SHB: variants seen among roughly 807,000 people sequenced by gnomAD.
The protein encoded by SHB is SH2 domain containing adaptor protein B, also known as SH2 domain-containing adapter protein B.
In SHB, 20 loss-of-function variants were observed where a neutral mutation model predicts 52.3. The ratio of observed to expected loss-of-function variants is 0.38; its 90% CI spans 0.27 to 0.56. SHB has a LOEUF of 0.56. Among genes scored for constraint, SHB ranks in the 20% least tolerant of loss-of-function variants. SHB has a pLI of 0.71. For synonymous variants in SHB, 397 were observed against 316.5 expected (o/e 1.25, Z -2.70); for missense variants, 825 against 723.3 (o/e 1.14, Z -1.61).
chr9:37,946,065 C>G (rs1832487576), intron 5 of SHB, among the ~76,000 whole-genome samples: 1 of 152,200 alleles, frequency 6.6e-6, no homozygotes, highest in South Asian at 2.1e-4. Flanking sequence ...ACAGCACTGT[C>G]TGGGCTGGGA....
intron 3 of SHB, among the ~76,000 whole-genome samples, chr9:37,959,112 G>C (rs761843144): frequency 2.6e-5 from 4 of 152,172 alleles, no homozygotes; most frequent in Non-Finnish European, 5.9e-5. Context: ...CTGAAGACGG[G>C]AAGACCAGTC....
intron 2 of SHB, among the ~76,000 whole-genome samples, chr9:37,998,873 CCA>C (rs1820980836): frequency 1.3e-5 from 2 of 152,208 alleles, no homozygotes; most frequent in Admixed American, 1.3e-4. Flanking sequence ...GAGGAAAGGC[CCA>C]TTTTTCATCC....
chr9:38,059,119 A>G (rs946823415), intron 1 of SHB, among the ~76,000 whole-genome samples: 1 of 152,152 alleles, frequency 6.6e-6, no homozygotes, highest in Non-Finnish European at 1.5e-5. Flanking sequence ...GTGTCTACTG[A>G]ATGAATGAAT....
intron 2 of SHB, among the ~76,000 whole-genome samples, chr9:37,976,843 G>A (rs996616008): frequency 1.3e-5 from 2 of 152,190 alleles, no homozygotes; most frequent in South Asian, 4.1e-4. Flanking sequence ...TATGCTCCTT[G>A]AAGAGCAGCT....
intron 1 of SHB, among the ~76,000 whole-genome samples, chr9:38,067,461 A>G (rs1564115137): frequency 6.6e-6 from 1 of 152,088 alleles, no homozygotes; most frequent in Non-Finnish European, 1.5e-5. Context: ...CACGCTGGAG[A>G]CAGCCGGTCC....
intron 3 of SHB, among the ~76,000 whole-genome samples, chr9:37,971,246 C>A (rs1350614561): frequency 6.6e-6 from 1 of 152,206 alleles, no homozygotes; most frequent in Non-Finnish European, 1.5e-5. Context: ...CACTCTCATG[C>A]ACACACAACA....
At chr9:38,059,126 G>T (rs1042903974) in intron 1 of SHB, among the ~76,000 whole-genome samples, 2 of 152,184 alleles carry the variant, frequency 1.3e-5, no homozygotes, top group East Asian at 1.9e-4. Flanking sequence ...CTGAATGAAT[G>T]AATGAATGAA....
At chr9:38,008,738 G>C (rs1821102323) in intron 2 of SHB, among the ~76,000 whole-genome samples, 1 of 152,190 alleles carries the variant, frequency 6.6e-6, no homozygotes. Context: ...GGGGAGAGCT[G>C]TGACCACCAG....
chr9:37,996,855 T>C (rs1820952543), intron 2 of SHB, among the ~76,000 whole-genome samples: 1 of 152,254 alleles, frequency 6.6e-6, no homozygotes, highest in Non-Finnish European at 1.5e-5. Context: ...CCTTAAGACA[T>C]TGCCAGTGCT....
At chr9:37,939,425 C>T (rs753767311) in intron 5 of SHB, among the ~76,000 whole-genome samples, 5 of 152,208 alleles carry the variant, frequency 3.3e-5, no homozygotes, top group East Asian at 1.9e-4. Flanking sequence ...CAATGAGTTG[C>T]GCTTTCTTCA....
intron 1 of SHB, among the ~76,000 whole-genome samples, chr9:38,040,268 G>T (rs550367369): frequency 1.3e-5 from 2 of 152,246 alleles, no homozygotes; most frequent in Non-Finnish European, 2.9e-5. Flanking sequence ...CTGGCCATGT[G>T]TGTGACCTTG....
intron 2 of SHB, among the ~76,000 whole-genome samples, chr9:37,998,601 C>T (rs555717795): frequency 3.2e-4 from 49 of 152,290 alleles, no homozygotes; most frequent in Admixed American, 1.2e-3. Flanking sequence ...TACAGGCACA[C>T]GCCACCACGC....
chr9:37,932,084 C>T (rs1473288616), intron 5 of SHB, among the ~76,000 whole-genome samples: 1 of 151,840 alleles, frequency 6.6e-6, no homozygotes, highest in Non-Finnish European at 1.5e-5. Flanking sequence ...GAGTTCGAGA[C>T]CAGCCTGGTC....
At chr9:37,995,454 T>A (rs954732515) in intron 2 of SHB, among the ~76,000 whole-genome samples, 9 of 112,572 alleles carry the variant, frequency 8.0e-5, no homozygotes, top group Non-Finnish European at 1.6e-4. Context: ...GCCCTGCTTT[T>A]CCCAGCTCTG....
intron 2 of SHB, among the ~76,000 whole-genome samples, chr9:37,983,876 C>A (rs529299852): frequency 1.3e-5 from 2 of 152,328 alleles, no homozygotes; most frequent in East Asian, 3.9e-4. Flanking sequence ...GGCTGCCCCT[C>A]GCCAACCACC....
At chr9:37,966,998 C>G (rs922623119) in intron 3 of SHB, among the ~76,000 whole-genome samples, 1 of 152,164 alleles carries the variant, frequency 6.6e-6, no homozygotes, top group African/African-American at 2.4e-5. Context: ...TCCAGCCTGA[C>G]CCCAGCCACA....
chr9:38,068,396 A>G lies in SHB; in HGVS notation c.250T>C (p.Tyr84His). 6.3e-7 allele frequency: 1 copy of G among 1,575,192 alleles called. No individual in the cohort carries two copies. The highest frequency in any genetic ancestry group is 1.2e-5 in the South Asian group (1 of 86,194). Residue 84 changes from tyrosine to histidine, a missense_variant, in exon 1 of 6, where the codon TAC (tyrosine) becomes CAC (histidine). Coordinates refer to ENST00000377707, the MANE Select transcript of SHB (RefSeq NM_003028.3). ...SGSTSDLIRA[Y>H]RAQKERDFED... ...AAGTCTCGCTCCTTCTGCGCGCGGTAGGCGCGGATGAGGTCGCTGGTGCTG... is the reference window on the plus strand; with the variant it reads ...AAGTCTCGCTCCTTCTGCGCGCGGTGGGCGCGGATGAGGTCGCTGGTGCTG...
At chr9:37,968,871 G>C (rs1820561654) in intron 3 of SHB, among the ~76,000 whole-genome samples, 1 of 152,208 alleles carries the variant, frequency 6.6e-6, no homozygotes, top group Admixed American at 6.5e-5. Flanking sequence ...AGTTTCCCCA[G>C]AAGGACAGGG....
At chr9:38,065,107 A>ATT in intron 1 of SHB, among the ~76,000 whole-genome samples, 1 of 152,190 alleles carries the variant, frequency 6.6e-6, no homozygotes, top group Non-Finnish European at 1.5e-5. Flanking sequence ...ACCTCTAACA[A>ATT]TAGATAAAGA....
Sources: allele counts gnomAD v4.1 joint callset (sites outside exome capture counted in the v4.1 genomes callset), GRCh38; gene constraint gnomAD v4.1.1; transcripts MANE v1.5; gene names NCBI Gene and HGNC (gene_info 2026-07-23, HGNC 2026-07-21).